The following LRRC74A variants were observed in gnomAD, a reference collection of about 807,000 sequenced individuals.
The protein encoded by LRRC74A is leucine-rich repeat-containing protein 74A.
LRRC74A carries 44 observed loss-of-function variants against 57.9 expected under a neutral mutation model. The observed-to-expected ratio is 0.76, with a 90% CI of 0.60 to 0.98. The LOEUF is 0.98. Ranked by LOEUF, LRRC74A falls within the 50% of genes least tolerant of loss-of-function variation. LRRC74A has a pLI of 0.00. For synonymous variants in LRRC74A, 211 were observed against 219.4 expected, an observed-to-expected ratio of 0.96 and a Z score of 0.34; for missense variants, 572 against 574.0, an observed-to-expected ratio of 1.00 and a Z score of 0.04.
intron 13 of LRRC74A, among the ~76,000 whole-genome samples, chr14:76,869,145 G>T (rs936553356): frequency 2.1e-5 from 3 of 140,624 alleles, no homozygotes; most frequent in Non-Finnish European, 4.7e-5. Context: ...CACCTGCCCC[G>T]TACCTAAAGT....
chr14:76,841,336 C>G (rs1298038086), intron 5 of LRRC74A, among the ~76,000 whole-genome samples: 1 of 152,236 alleles, frequency 6.6e-6, no homozygotes, highest in Non-Finnish European at 1.5e-5. Flanking sequence ...GCCACTGTGC[C>G]CAGCCAATAA....
At chr14:76,826,994 T>A (rs977225666) in intron 1 of LRRC74A, among the ~76,000 whole-genome samples, 1 of 152,236 alleles carries the variant, frequency 6.6e-6, no homozygotes, top group African/African-American at 2.4e-5. Context: ...CATTTATAGT[T>A]TGAAATCAGT....
intron 2 of LRRC74A, among the ~76,000 whole-genome samples, chr14:76,829,676 C>A (rs764551992): frequency 1.3e-5 from 2 of 152,138 alleles, no homozygotes; most frequent in Non-Finnish European, 2.9e-5. Context: ...AGGGACAAAA[C>A]CTGGGGGTTA....
chr14:76,837,701 G>C (rs1896454837), intron 4 of LRRC74A, among the ~76,000 whole-genome samples, 174 bp from the exon 5 acceptor site: 1 of 151,852 alleles, frequency 6.6e-6, no homozygotes. Flanking sequence ...CTAGAGCCCG[G>C]TTTCCTATTG....
Position 76,870,207 on chromosome 14 carries a change from T to C in LRRC74A, c.*58T>C. ...AGAGGAGTCCTCGCAAGTCGGATGGTGGCAGGGAGGAGAGCAAGAGGTGGC... is the reference window on the plus strand; with the variant it reads ...AGAGGAGTCCTCGCAAGTCGGATGGCGGCAGGGAGGAGAGCAAGAGGTGGC... On this transcript the variant is annotated 3_prime_UTR_variant, in exon 14 of 14. Transcript: ENST00000689127. The C allele has an allele frequency of 6.4e-7, 1 of 1,566,004 alleles. No homozygotes were observed. The highest frequency in any genetic ancestry group is 1.2e-5 in the South Asian group (1 of 86,344).
chr14:76,837,743 C>T (rs1003828504), intron 4 of LRRC74A, 132 bp from the exon 5 acceptor site: 7 of 505,122 alleles, frequency 1.4e-5, no homozygotes, highest in African/African-American at 1.2e-4. Flanking sequence ...CCTCCCTAAT[C>T]CTCCTAATCC....
chr14:76,851,007 C>T (rs1373316167), intron 7 of LRRC74A, among the ~76,000 whole-genome samples: 3 of 152,210 alleles, frequency 2.0e-5, no homozygotes, highest in Admixed American at 6.5e-5. Context: ...CATAACTGCC[C>T]TCCCCAAATA....
At chr14:76,857,499 T>C (rs755895603) in intron 10 of LRRC74A, 24 bp downstream of exon 10, 1 of 1,523,446 alleles carries the variant, frequency 6.6e-7, no homozygotes, top group South Asian at 1.2e-5. Context: ...TGGTAGTTGC[T>C]TGCGTCTGGG....
intron 2 of LRRC74A, among the ~76,000 whole-genome samples, chr14:76,830,720 C>T (rs1402890461): frequency 1.3e-5 from 2 of 152,204 alleles, no homozygotes; most frequent in Non-Finnish European, 2.9e-5. Flanking sequence ...TGGTGCCTCT[C>T]TAAGTCTTTG....
At position 76,853,330 on chromosome 14, in the gene LRRC74A, G is replaced by T. The variant is rs764059406; in HGVS notation, c.877G>T (p.Gly293Cys). Residue 293 changes from glycine (G) to cysteine (C), a missense_variant, in exon 9 of 14, where the codon GGT (glycine) becomes TGT (cysteine). Physicochemically the swap from Gly to Cys is radical, Grantham distance 159. Coordinates refer to ENST00000689127, the MANE Select transcript of LRRC74A (RefSeq NM_001385106.1). ...LNRCLVYLDI[G>C]GNDIGNEGAS... ...CCGCTGCCTGGTCTACCTGGATATCGGTGGCAATGACATCGGCAATGAAGG... is the reference window on the plus strand; with the variant it reads ...CCGCTGCCTGGTCTACCTGGATATCTGTGGCAATGACATCGGCAATGAAGG... The T allele has an allele frequency of 6.2e-7, 1 of 1,613,098 alleles. No homozygotes were observed.
chr14:76,837,141 C>CA (rs1271855674), intron 4 of LRRC74A, among the ~76,000 whole-genome samples: 6 of 150,734 alleles, frequency 4.0e-5, no homozygotes, highest in Non-Finnish European at 8.9e-5. Context: ...GACTCTGTTT[C>CA]AAAAAAAAAT....
intron 2 of LRRC74A, among the ~76,000 whole-genome samples, chr14:76,830,273 T>C (rs1304243162): frequency 6.6e-6 from 1 of 152,172 alleles, no homozygotes; most frequent in East Asian, 1.9e-4. Context: ...GGCCCTGGGA[T>C]CTGAAGGAAA....
chr14:76,839,351 A>G (rs945167620), intron 5 of LRRC74A, among the ~76,000 whole-genome samples: 10 of 152,232 alleles, frequency 6.6e-5, no homozygotes, highest in African/African-American at 1.9e-4. Context: ...ATAACAAGCA[A>G]TTTGTGAATC....
intron 2 of LRRC74A, 58 bp downstream of exon 2, chr14:76,828,477 C>A: frequency 6.2e-7 from 1 of 1,610,830 alleles, no homozygotes; most frequent in Non-Finnish European, 8.5e-7. Flanking sequence ...CTGGAGAAAT[C>A]TGGTTTCCAG....
chr14:76,866,062 A>T lies in LRRC74A; in HGVS notation c.1295A>T (p.Lys432Ile), dbSNP rs781108697. Reference sequence around the variant, plus strand: ...AAGATGTCTGTGGATGAGTTCCAGAAAGTGATGATAGAGGTGTGCTGGGTC... The same window carrying T: ...AAGATGTCTGTGGATGAGTTCCAGATAGTGATGATAGAGGTGTGCTGGGTC... ...TMKMSVDEFQ[K>I]VMIEQNKVPL... The change falls in exon 12 of 14, where the codon AAA becomes ATA. Residue 432 changes from lysine to isoleucine, a missense_variant. Coordinates refer to ENST00000689127, the MANE Select transcript of LRRC74A (RefSeq NM_001385106.1). 12 of 1,567,402 alleles carry T rather than the reference A, an allele frequency of 7.7e-6. No homozygotes were observed. Among genetic ancestry groups the T allele is most frequent in the Non-Finnish European group, 1.0e-5 (12 of 1,143,152 alleles).
chr14:76,860,617 G>A, intron 10 of LRRC74A, 76 bp from the exon 11 acceptor site: 3 of 1,356,394 alleles, frequency 2.2e-6, no homozygotes, highest in Non-Finnish European at 9.9e-7. Context: ...TTGGGTGGAA[G>A]GGGTAGGGTG....
At position 76,867,388 on chromosome 14, in the gene LRRC74A, C is replaced by A; in HGVS notation, c.1341C>A (p.Val447=). 6.3e-7 allele frequency: 1 copy of A among 1,599,770 alleles called. No individual in the cohort carries two copies. Among genetic ancestry groups the A allele is most frequent in the South Asian group, 1.1e-5 (1 of 90,734 alleles). ...QNKVPLNQYQ[V]REVIKKLDEK... is the part of the protein sequence containing the mutation. ...AGGTCCCCCTGAACCAGTACCAGGT[C>A]AGGGAGGTGATAAAGAAGCTCGATG... Residue 447 remains valine, a synonymous_variant, in exon 13 of 14, where the codon GTC becomes GTA. Coordinates refer to ENST00000689127, the MANE Select transcript of LRRC74A (RefSeq NM_001385106.1).
chr14:76,853,452 T>TGTGTGC lies in LRRC74A; in HGVS notation c.957+47_957+48insCGTGTG, dbSNP rs748749902. The TGTGTGC allele has an allele frequency of 2.1e-6, 3 of 1,462,476 alleles. No homozygotes were observed. In the East Asian group the frequency reaches 7.4e-5, roughly 36 times the overall value. 90.6% of individuals were successfully genotyped at this position (1,462,476 alleles called of 1,614,324 possible). A position where few individuals can be genotyped will look rare whatever the true frequency, so the allele number is the denominator to read the frequency against. On this transcript the variant is annotated intron_variant, in intron 9 of 13. Transcript: ENST00000689127. The stretch of plus-strand genomic sequence containing the variant: ...AAGGGTGTGTGTGTGTGTGTGTGTG[T>TGTGTGC]GTGTGTGTGTTTGTGTATGTGTTGG...
At chr14:76,842,129 T>C (rs1896817254) in intron 5 of LRRC74A, among the ~76,000 whole-genome samples, 1 of 152,194 alleles carries the variant, frequency 6.6e-6, no homozygotes, top group Admixed American at 6.6e-5. Flanking sequence ...AACAGAATGT[T>C]TTTTTCTATC....
Sources: allele counts gnomAD v4.1 joint callset (sites outside exome capture counted in the v4.1 genomes callset), GRCh38; gene constraint gnomAD v4.1.1; transcripts MANE v1.5; gene names NCBI Gene and HGNC (gene_info 2026-07-23, HGNC 2026-07-21).